NRF1: variants seen among roughly 807,000 people sequenced by gnomAD.
NRF1 encodes alpha palindromic-binding protein.
NRF1 carries 5 observed loss-of-function variants against 58.5 expected under a neutral mutation model. That is an observed-to-expected ratio of 0.09 (90% CI 0.04 to 0.18). The LOEUF (loss-of-function observed/expected upper bound fraction) is 0.18, where lower values mean the gene tolerates loss of function less well. NRF1 is among the 10% of genes least tolerant of loss of function. The pLI is 1.00. For synonymous variants in NRF1, 224 were observed against 246.7 expected, an observed-to-expected ratio of 0.91 and a Z score of 0.86; for missense variants, 288 against 657.7, an observed-to-expected ratio of 0.44 and a Z score of 6.15.
chr7:129,709,892 A>G (rs1220507967), intron 6 of NRF1, among the ~76,000 whole-genome samples: 2 of 151,642 alleles, frequency 1.3e-5, no homozygotes, highest in Non-Finnish European at 2.9e-5. Context: ...CACCATGCCC[A>G]GCTAATTTTG....
chr7:129,626,632 TA>T (rs1409157385), intron 1 of NRF1, among the ~76,000 whole-genome samples: 22 of 152,228 alleles, frequency 1.4e-4, no homozygotes, highest in Non-Finnish European at 2.9e-5. Flanking sequence ...CTGGGTGACT[TA>T]AAGGAGCATT....
At chr7:129,702,704 C>T (rs1309512762) in intron 5 of NRF1, among the ~76,000 whole-genome samples, 1 of 152,150 alleles carries the variant, frequency 6.6e-6, no homozygotes, top group African/African-American at 2.4e-5. Context: ...TTTTCCTTCC[C>T]TGCTACATTC....
At chr7:129,726,963 G>T (rs1282719982) in intron 9 of NRF1, among the ~76,000 whole-genome samples, 2 of 152,244 alleles carry the variant, frequency 1.3e-5, no homozygotes, top group Admixed American at 1.3e-4. Context: ...AACTGATAAT[G>T]AGTGCCTTCT....
At chr7:129,739,581 C>T (rs1028946062) in intron 10 of NRF1, among the ~76,000 whole-genome samples, 1 of 151,946 alleles carries the variant, frequency 6.6e-6, no homozygotes, top group East Asian at 1.9e-4. Context: ...CTGCAGTAAT[C>T]CGCAGCCAGT....
chr7:129,648,104 CTT>C (rs1455195461), intron 1 of NRF1, among the ~76,000 whole-genome samples: 1 of 150,926 alleles, frequency 6.6e-6, no homozygotes, highest in African/African-American at 2.4e-5. Context: ...AATCAATAGT[CTT>C]TTGCCACTCT....
intron 4 of NRF1, among the ~76,000 whole-genome samples, chr7:129,689,198 A>G (rs1161969293): frequency 6.6e-6 from 1 of 152,316 alleles, no homozygotes; most frequent in South Asian, 2.1e-4. Flanking sequence ...CAACTGCAGA[A>G]GTTGCACCAT....
chr7:129,745,283 G>A (rs1803946861), intron 10 of NRF1, among the ~76,000 whole-genome samples: 1 of 152,022 alleles, frequency 6.6e-6, no homozygotes, highest in Admixed American at 6.6e-5. Flanking sequence ...GAATTTACTG[G>A]GTACCCCTTG....
At chr7:129,680,848 A>C (rs1284039752) in intron 4 of NRF1, among the ~76,000 whole-genome samples, 1 of 152,188 alleles carries the variant, frequency 6.6e-6, no homozygotes, top group Non-Finnish European at 1.5e-5. Flanking sequence ...GGTGGAATGA[A>C]ATGCTCTAAA....
chr7:129,710,676 T>C, intron 7 of NRF1, 105 bp downstream of exon 7: 2 of 686,956 alleles, frequency 2.9e-6, no homozygotes, highest in Non-Finnish European at 2.6e-6. Flanking sequence ...TTGTATGAAC[T>C]TTATATAGCT....
intron 8 of NRF1, among the ~76,000 whole-genome samples, chr7:129,715,195 G>C (rs372279511): frequency 2.6e-5 from 4 of 152,176 alleles, no homozygotes; most frequent in African/African-American, 9.7e-5. Context: ...GACCAGAGGG[G>C]ACATTTGGCA....
Position 129,658,152 on chromosome 7 carries a change from T to G in NRF1, c.223+578T>G, listed in dbSNP as rs748084739. 8.9e-4 allele frequency among the ~76,000 whole-genome samples: 135 copies of G among 152,366 alleles called. 1 individual carries two copies. Among genetic ancestry groups the G allele is most frequent in the Middle Eastern group, 3.4e-3 (1 of 294 alleles). On this transcript the variant is annotated intron_variant, in intron 2 of 10. Transcript: ENST00000393232. Reference sequence around the variant, plus strand: ...TGCTTTCTCTTTGCCCTACCTGTTCTGTTTACTTTTCTCTTTCTTGGCGTT... The same window carrying G: ...TGCTTTCTCTTTGCCCTACCTGTTCGGTTTACTTTTCTCTTTCTTGGCGTT...
intron 4 of NRF1, among the ~76,000 whole-genome samples, chr7:129,679,305 C>T (rs1802251933): frequency 6.6e-6 from 1 of 152,074 alleles, no homozygotes; most frequent in Non-Finnish European, 1.5e-5. Flanking sequence ...TTAAAAGCAG[C>T]TGCAAGTAAT....
At chr7:129,687,418 G>A (rs554848686) in intron 4 of NRF1, among the ~76,000 whole-genome samples, 229 of 152,164 alleles carry the variant, frequency 1.5e-3, no homozygotes, top group Non-Finnish European at 1.5e-3. Flanking sequence ...TGGGATTACA[G>A]GCGCCCACCA....
chr7:129,744,837 A>C (rs1375355857), intron 10 of NRF1, among the ~76,000 whole-genome samples: 1 of 151,878 alleles, frequency 6.6e-6, no homozygotes, highest in Non-Finnish European at 1.5e-5. Flanking sequence ...GATTATGCTG[A>C]GTGAGGGGAT....
intron 2 of NRF1, among the ~76,000 whole-genome samples, chr7:129,670,829 C>G (rs1458830391): frequency 2.0e-5 from 3 of 152,258 alleles, no homozygotes; most frequent in South Asian, 2.1e-4. Context: ...TGCCAGAATG[C>G]CTTCATCAAC....
rs1189773022 is a variant in NRF1, at chr7:129,662,759, TA to T, written c.223+5186del. On this transcript the variant is annotated intron_variant, in intron 2 of 10. Coordinates refer to ENST00000393232, the MANE Select transcript of NRF1 (RefSeq NM_005011.5). ...TTTAAGGTTTATTTATTTATTTATT[TA>T]TTTATTTTAGTATTTATTGATCATT... 2.0e-4 allele frequency among the ~76,000 whole-genome samples: 30 copies of T among 152,260 alleles called. 1 individual carries two copies. Among genetic ancestry groups the T allele is most frequent in the Admixed American group, 5.9e-4 (9 of 15,296 alleles).
At position 129,751,916 on chromosome 7, in the gene NRF1, A is replaced by ATCT. The variant is rs1804125667; in HGVS notation, c.1349-3099_1349-3097dup. 2.0e-5 allele frequency among the ~76,000 whole-genome samples: 3 copies of ATCT among 152,306 alleles called. No homozygotes were observed. In the South Asian group the frequency reaches 6.2e-4, roughly 32 times the overall value. On this transcript the variant is annotated intron_variant, in intron 10 of 10. Transcript: ENST00000393232. Reference sequence around the variant, plus strand: ...GGCGGGGGACTGACGGGGTTATACAATCTTCACATATATATACACTCAGTC... The same window carrying ATCT: ...GGCGGGGGACTGACGGGGTTATACAATCTTCTTCACATATATATACACTCAGTC...
At chr7:129,642,275 C>T (rs1456448528) in intron 1 of NRF1, among the ~76,000 whole-genome samples, 3 of 152,250 alleles carry the variant, frequency 2.0e-5, no homozygotes, top group South Asian at 2.1e-4. Context: ...TGAGCCACCG[C>T]GCCCAGCCAA....
intron 1 of NRF1, among the ~76,000 whole-genome samples, chr7:129,655,231 T>C (rs968672315): frequency 6.6e-6 from 1 of 152,218 alleles, no homozygotes; most frequent in African/African-American, 2.4e-5. Flanking sequence ...GTAAATGGTA[T>C]TGTGTTTTTG....
Sources: gnomAD v4.1 joint callset for allele counts (sites outside exome capture counted in the v4.1 genomes callset) on GRCh38, gnomAD v4.1.1 for gene constraint, MANE v1.5 for transcripts, NCBI Gene and HGNC (gene_info 2026-07-23, HGNC 2026-07-21) for gene names.